OPHN1: variants seen among roughly 807,000 people sequenced by gnomAD.
OPHN1 encodes oligophrenin 1.
OPHN1 carries 11 observed loss-of-function variants against 60.7 expected under a neutral mutation model. The ratio of observed to expected loss-of-function variants is 0.18; its 90% confidence interval spans 0.11 to 0.30. OPHN1 has a LOEUF of 0.30. OPHN1 is among the 10% of genes least tolerant of loss of function. The pLI is 1.00. For missense variants in OPHN1, 449 were observed against 611.0 expected, an observed-to-expected ratio of 0.73 and a Z score of 2.80; for synonymous variants, 226 against 222.6, an observed-to-expected ratio of 1.02 and a Z score of -0.14.
chrX:68,295,238 A>G (rs1317368874), intron 3 of OPHN1, among the ~76,000 whole-genome samples: 1 of 112,074 alleles, frequency 8.9e-6, no homozygotes, highest in African/African-American at 3.2e-5. Flanking sequence ...TTACAATCCT[A>G]TATTTTCCTT....
chrX:68,349,157 C>T (rs1196700408), intron 2 of OPHN1, among the ~76,000 whole-genome samples: 4 of 110,740 alleles, frequency 3.6e-5, no homozygotes, highest in African/African-American at 1.3e-4. Context: ...ATCTATCCAT[C>T]TGACAAAGGG....
chrX:68,107,782 G>A (rs1421865399), intron 18 of OPHN1, among the ~76,000 whole-genome samples: 2 of 112,123 alleles, frequency 1.8e-5, no homozygotes, highest in East Asian at 2.8e-4. Flanking sequence ...GGCCTGTTCC[G>A]TTATTACTGA....
chrX:68,236,333 A>G (rs1177051168), intron 5 of OPHN1, among the ~76,000 whole-genome samples: 3 of 111,973 alleles, frequency 2.7e-5, no homozygotes, highest in Non-Finnish European at 5.6e-5. Context: ...TGCCTTCACC[A>G]AGGACCGATA....
chrX:68,276,774 G>A (rs182866334), intron 4 of OPHN1, among the ~76,000 whole-genome samples: 2 of 110,954 alleles, frequency 1.8e-5, no homozygotes, highest in African/African-American at 6.6e-5. Context: ...TAAAAGGCCA[G>A]CACCAGTTCT....
intron 21 of OPHN1, among the ~76,000 whole-genome samples, chrX:68,054,233 C>G (rs1001868137): frequency 1.8e-5 from 2 of 111,306 alleles, no homozygotes; most frequent in East Asian, 5.7e-4. Flanking sequence ...TCACTGATAT[C>G]CAGGTCCTTT....
intron 15 of OPHN1, among the ~76,000 whole-genome samples, chrX:68,166,403 G>A (rs12860046): frequency 0.13 from 14,223 of 109,601 alleles, 741 homozygotes; most frequent in African/African-American, 0.18. Flanking sequence ...GCGTGGTGGC[G>A]GGCGCCTGTA....
intron 2 of OPHN1, among the ~76,000 whole-genome samples, chrX:68,407,407 AATG>A (rs1363644476): frequency 9.0e-6 from 1 of 111,470 alleles, no homozygotes; most frequent in African/African-American, 3.3e-5. Context: ...CACAAGGCAT[AATG>A]ATGATACCTA....
Position 68,222,600 on chromosome X carries a change from T to C in OPHN1, c.487-8628A>G, listed in dbSNP as rs747526266. On this transcript the variant is annotated intron_variant, in intron 6 of 24. Coordinates refer to ENST00000355520, the MANE Select transcript of OPHN1 (RefSeq NM_002547.3). ...TACACTATGGAATAGTATGCAGCCA[T>C]AAAAAATGTGAGTTCATGTCCTTTG... is the stretch of plus-strand genomic sequence containing the variant. Among the ~76,000 whole-genome samples the C allele has an allele frequency of 6.6e-5, 7 of 106,105 alleles. No homozygotes were observed. In the South Asian group the frequency reaches 1.8e-3, roughly 27 times the overall value. The allele number at this position is 106,105 out of a possible 115,157, so 92.1% of individuals were successfully genotyped here.
At chrX:68,271,958 C>T (rs2077971480) in intron 5 of OPHN1, among the ~76,000 whole-genome samples, 2 of 102,807 alleles carry the variant, frequency 1.9e-5, no homozygotes, top group South Asian at 9.6e-4. Context: ...GCTGTCCTCC[C>T]CACCCTGCCC....
rs200508660 is a variant in OPHN1, at chrX:68,063,877, C to T, written c.2135G>A (p.Arg712Gln). 217 of 1,168,876 alleles carry T rather than the reference C, an allele frequency of 1.9e-4. No individual in the cohort carries two copies. The highest frequency in any genetic ancestry group is 2.4e-4 in the Non-Finnish European group (208 of 873,150). ...ACCCTCCTTGTGGTGGGCCAGGGGCCGGGGAGCTGGTCTCTTTATGTGGAA... is the reference window on the plus strand; with the variant it reads ...ACCCTCCTTGTGGTGGGCCAGGGGCTGGGGAGCTGGTCTCTTTATGTGGAA... The part of the protein sequence containing the change: ...PSFHIKRPAP[R>Q]PLAHHKEGDA... Residue 712 changes from arginine to glutamine, a missense_variant, in exon 21 of 25, where the codon CGG becomes CAG. Transcript: ENST00000355520.
chrX:68,137,306 C>A (rs1416107631), intron 15 of OPHN1, among the ~76,000 whole-genome samples: 1 of 111,669 alleles, frequency 9.0e-6, no homozygotes, highest in African/African-American at 3.3e-5. Context: ...TTGGAAGATA[C>A]AGATTAACAA....
rs187911647 is a variant in OPHN1 at position 68,130,855 on chromosome X, A to C, written c.1277-11523T>G. On this transcript the variant is annotated intron_variant, in intron 15 of 24. Transcript: ENST00000355520. ...CAATGCTGAAACAGGAGAGTTAATG[A>C]GAAAAGAAGGGGCTAGTAGCCTAAG... Among the ~76,000 whole-genome samples the C allele has an allele frequency of 5.0e-4, 56 of 112,204 alleles. 1 individual carries two copies. Among genetic ancestry groups the C allele is most frequent in the Non-Finnish European group, 8.5e-4 (45 of 53,247 alleles).
At chrX:68,242,293 G>A (rs1469841296) in intron 5 of OPHN1, among the ~76,000 whole-genome samples, 1 of 109,131 alleles carries the variant, frequency 9.2e-6, no homozygotes, top group African/African-American at 3.3e-5. Context: ...TGAGGCGGGA[G>A]GATCTCTTGA....
intron 15 of OPHN1, chrX:68,133,567 G>T: frequency 2.5e-6 from 1 of 397,462 alleles, no homozygotes. Context: ...AAACGTTTCT[G>T]TAGGTCCATT....
intron 16 of OPHN1, among the ~76,000 whole-genome samples, chrX:68,117,636 G>A (rs1272148918): frequency 8.9e-6 from 1 of 111,913 alleles, no homozygotes; most frequent in African/African-American, 3.2e-5. Flanking sequence ...AAAAATAGGG[G>A]AGAGAGAAGG....
At chrX:68,219,283 G>C (rs1457182309) in intron 6 of OPHN1, among the ~76,000 whole-genome samples, 1 of 80,707 alleles carries the variant, frequency 1.2e-5, no homozygotes, top group African/African-American at 4.7e-5. Context: ...CATAAAGCAA[G>C]TCCTGAGTGA....
intron 2 of OPHN1, among the ~76,000 whole-genome samples, chrX:68,332,022 G>A (rs1246726495): frequency 1.8e-5 from 2 of 108,748 alleles, no homozygotes; most frequent in East Asian, 2.8e-4. Flanking sequence ...GTGACACAGT[G>A]AGACTCTGTC....
At chrX:68,093,611 G>A (rs892637985) in intron 19 of OPHN1, among the ~76,000 whole-genome samples, 1 of 111,034 alleles carries the variant, frequency 9.0e-6, no homozygotes, top group Non-Finnish European at 1.9e-5. Flanking sequence ...TTTTTTTAAC[G>A]TTACCTATTC....
At chrX:68,252,220 A>C (rs2077839348) in intron 5 of OPHN1, among the ~76,000 whole-genome samples, 1 of 111,879 alleles carries the variant, frequency 8.9e-6, no homozygotes, top group Non-Finnish European at 1.9e-5. Flanking sequence ...AAACAAAGCT[A>C]CCTCAGCCAA....
Sources: allele counts gnomAD v4.1 joint callset (sites outside exome capture counted in the v4.1 genomes callset), GRCh38; gene constraint gnomAD v4.1.1; transcripts MANE v1.5; gene names NCBI Gene and HGNC (gene_info 2026-07-23, HGNC 2026-07-21).